Variants in SDK1 observed in about 807,000 individuals in gnomAD.
SDK1 encodes protein sidekick-1.
SDK1 carries 157 observed loss-of-function variants against 245.5 expected under a neutral mutation model. The observed-to-expected ratio is 0.64, with a 90% CI of 0.56 to 0.73. The LOEUF (loss-of-function observed/expected upper bound fraction) is 0.73, where lower values mean the gene tolerates loss of function less well. Ranked by LOEUF, SDK1 falls within the 30% of genes least tolerant of loss-of-function variation. The pLI is 0.00. For synonymous variants in SDK1, 1,647 were observed against 1,278.5 expected (o/e 1.29, Z -6.15); for missense variants, 3,583 against 3,002.3 (o/e 1.19, Z -4.52).
chr7:3,579,833 C>T lies in SDK1; in HGVS notation c.299-39247C>T, dbSNP rs182775565. Among the ~76,000 whole-genome samples, 399 of 152,284 alleles carry T rather than the reference C, an allele frequency of 2.6e-3. 2 individuals are homozygous for T. Among genetic ancestry groups the T allele is most frequent in the Admixed American group, 5.6e-3 (85 of 15,302 alleles). The stretch of plus-strand genomic sequence containing the variant: ...CAAAGTATCCTTTGTTTGCAGGTGA[C>T]ATGATTCTACATAAAAAAACTGGGT... On this transcript the variant is annotated intron_variant, in intron 1 of 44. Transcript: ENST00000404826.
chr7:3,543,407 T>C (rs1779111436), intron 1 of SDK1, among the ~76,000 whole-genome samples: 1 of 152,258 alleles, frequency 6.6e-6, no homozygotes, highest in South Asian at 2.1e-4. Context: ...GAGCCATTCT[T>C]ACTAAAGAGA....
chr7:3,635,350 T>C (rs530066181), intron 2 of SDK1, among the ~76,000 whole-genome samples: 1 of 152,364 alleles, frequency 6.6e-6, no homozygotes, highest in Admixed American at 6.5e-5. Flanking sequence ...CATAGTTTGA[T>C]TAATTTTTGT....
At chr7:4,076,329 G>A (rs1584039627) in intron 20 of SDK1, among the ~76,000 whole-genome samples, 1 of 152,190 alleles carries the variant, frequency 6.6e-6, no homozygotes, top group South Asian at 2.1e-4. Context: ...CGAGGCGGGA[G>A]GATCTCTTGA....
intron 4 of SDK1, among the ~76,000 whole-genome samples, chr7:3,659,323 A>G (rs931678115): frequency 6.6e-6 from 1 of 152,190 alleles, no homozygotes; most frequent in Admixed American, 6.5e-5. Flanking sequence ...CCAGCCTGGT[A>G]AGGATAAACT....
chr7:3,949,667 A>G (rs1007062235), intron 5 of SDK1, among the ~76,000 whole-genome samples: 1 of 152,260 alleles, frequency 6.6e-6, no homozygotes, highest in Non-Finnish European at 1.5e-5. Context: ...TTCTCTAAAT[A>G]AACAGTAGTA....
intron 4 of SDK1, among the ~76,000 whole-genome samples, chr7:3,762,403 T>C (rs1402919822): frequency 6.6e-6 from 1 of 152,260 alleles, no homozygotes; most frequent in Non-Finnish European, 1.5e-5. Flanking sequence ...CACGACCCTC[T>C]AGATGTTTAC....
chr7:3,516,402 A>G (rs1782753236), intron 1 of SDK1, among the ~76,000 whole-genome samples: 1 of 152,012 alleles, frequency 6.6e-6, no homozygotes, highest in African/African-American at 2.4e-5. Context: ...TTAACCAACA[A>G]CTAACTTTTA....
chr7:3,894,183 A>G (rs961986378), intron 5 of SDK1, among the ~76,000 whole-genome samples: 4 of 152,220 alleles, frequency 2.6e-5, no homozygotes, highest in African/African-American at 9.7e-5. Context: ...TCTTCAGAAC[A>G]TTTTAATGTA....
At chr7:3,653,062 G>A (rs1436038689) in intron 4 of SDK1, among the ~76,000 whole-genome samples, 3 of 152,216 alleles carry the variant, frequency 2.0e-5, no homozygotes, top group East Asian at 3.8e-4. Flanking sequence ...CCCCCACTTG[G>A]AAGGAATCTG....
chr7:3,456,966 C>G (rs963094994), intron 1 of SDK1, among the ~76,000 whole-genome samples: 1 of 152,098 alleles, frequency 6.6e-6, no homozygotes, highest in Admixed American at 6.6e-5. Flanking sequence ...CATCTGCTGC[C>G]GATAGGACTC....
intron 7 of SDK1, chr7:3,957,978 C>A (rs555243424): frequency 6.4e-6 from 3 of 470,708 alleles, no homozygotes; most frequent in African/African-American, 4.0e-5. Flanking sequence ...AACCTTCAGC[C>A]GCTTCCCCCT....
chr7:3,411,890 G>T (rs762468536), intron 1 of SDK1, among the ~76,000 whole-genome samples: 18 of 152,122 alleles, frequency 1.2e-4, no homozygotes, highest in Non-Finnish European at 2.5e-4. Context: ...ATCTGAAGAA[G>T]GGTATATTGC....
At chr7:3,711,243 T>A (rs1005425480) in intron 4 of SDK1, among the ~76,000 whole-genome samples, 5 of 152,206 alleles carry the variant, frequency 3.3e-5, no homozygotes. Context: ...GTGAGAATAA[T>A]CTTCTTTAAT....
intron 5 of SDK1, among the ~76,000 whole-genome samples, chr7:3,841,640 C>T (rs1048859418): frequency 3.3e-5 from 5 of 151,788 alleles, no homozygotes; most frequent in African/African-American, 4.8e-5. Flanking sequence ...AATCTCGGCT[C>T]ACTGCAACCT....
chr7:3,458,125 G>C (rs1012818540), intron 1 of SDK1, among the ~76,000 whole-genome samples: 4 of 150,994 alleles, frequency 2.6e-5, no homozygotes, highest in Non-Finnish European at 5.9e-5. Context: ...CTTTTTCTTT[G>C]ATGGTTTGAA....
At chr7:4,226,396 G>C (rs1211433923) in intron 40 of SDK1, among the ~76,000 whole-genome samples, 1 of 152,240 alleles carries the variant, frequency 6.6e-6, no homozygotes, top group Non-Finnish European at 1.5e-5. Context: ...TTGCTGCTTT[G>C]CAGAGGGTGG....
In SDK1 at chr7:3,608,241, A is replaced by T. The variant is rs549494583; in HGVS notation, c.299-10839A>T. ...AAAATTATTAAAATATTCTGTGTCG[A>T]AATGTGAATTACATATAAACTCTTC... is the stretch of plus-strand genomic sequence containing the variant. On this transcript the variant is annotated intron_variant, in intron 1 of 44. Transcript: ENST00000404826. Among the ~76,000 whole-genome samples, 90 of 152,330 alleles carry T rather than the reference A, an allele frequency of 5.9e-4. 1 individual carries two copies. The highest frequency in any genetic ancestry group is 2.0e-3 in the African/African-American group (85 of 41,576).
At chr7:3,623,399 C>T (rs562991479) in intron 2 of SDK1, among the ~76,000 whole-genome samples, 1 of 151,994 alleles carries the variant, frequency 6.6e-6, no homozygotes, top group Non-Finnish European at 1.5e-5. Flanking sequence ...TGTCACCACG[C>T]CTGGCTAATT....
At chr7:3,416,621 C>A (rs1429308639) in intron 1 of SDK1, among the ~76,000 whole-genome samples, 2 of 152,094 alleles carry the variant, frequency 1.3e-5, no homozygotes, top group African/African-American at 4.8e-5. Context: ...CTAGTCCAGC[C>A]TTTGCCTGGA....
Sources: allele counts gnomAD v4.1 joint callset (sites outside exome capture counted in the v4.1 genomes callset), GRCh38; gene constraint gnomAD v4.1.1; transcripts MANE v1.5; gene names NCBI Gene and HGNC (gene_info 2026-07-23, HGNC 2026-07-21).